C1orf167: variants seen among roughly 807,000 people sequenced by gnomAD.
C1orf167 encodes the protein uncharacterized protein C1orf167.
C1orf167 carries 153 observed loss-of-function variants against 176.5 expected under a neutral mutation model. The observed-to-expected ratio is 0.87, with a 90% CI of 0.76 to 0.99. The LOEUF is 0.99. C1orf167 is among the 50% of genes least tolerant of loss of function. The pLI is 0.00. For missense variants in C1orf167, 1,490 were observed against 1,817.7 expected, an observed-to-expected ratio of 0.82 and a Z score of 3.28; for synonymous variants, 594 against 752.7, an observed-to-expected ratio of 0.79 and a Z score of 3.45.
At chr1:11,772,708 T>G (rs1362017315) in intron 8 of C1orf167, among the ~76,000 whole-genome samples, 1 of 152,154 alleles carries the variant, frequency 6.6e-6, no homozygotes, top group Non-Finnish European at 1.5e-5. Context: ...AAGCAAAGCT[T>G]AGTCCCGGCC....
chr1:11,781,537 C>G (rs1215977148), intron 13 of C1orf167, among the ~76,000 whole-genome samples: 1 of 152,182 alleles, frequency 6.6e-6, no homozygotes, highest in Non-Finnish European at 1.5e-5. Flanking sequence ...GAGACAGCTG[C>G]TTATGCAGCC....
In C1orf167 at chr1:11,764,334, C is replaced by A; in HGVS notation, c.-67C>A. On this transcript the variant is annotated 5_prime_UTR_variant, in exon 2 of 21. Transcript: ENST00000688073. Reference sequence around the variant, plus strand: ...GCAACCTGTCCTCTCCCCGCAGGGCCCATCTGATTAAACAGACCAGGCCAC... The same window carrying A: ...GCAACCTGTCCTCTCCCCGCAGGGCACATCTGATTAAACAGACCAGGCCAC... 1 of 1,211,294 alleles carries A rather than the reference C, an allele frequency of 8.3e-7. No homozygotes were observed. Among genetic ancestry groups the A allele is most frequent in the African/African-American group, 1.6e-5 (1 of 64,358 alleles). 75.0% of individuals were successfully genotyped at this position (1,211,294 alleles called of 1,614,324 possible). A position where few individuals can be genotyped will look rare whatever the true frequency, so the allele number is the denominator to read the frequency against.
chr1:11,779,131 G>A (rs1437321890), intron 12 of C1orf167, 51 bp downstream of exon 12: 22 of 1,206,018 alleles, frequency 1.8e-5, no homozygotes, highest in Non-Finnish European at 2.1e-5. Flanking sequence ...ACTGTTTCCC[G>A]GCCCCTTCTC....
chr1:11,769,087 G>C lies in C1orf167; in HGVS notation c.1657G>C (p.Val553Leu). The C allele has an allele frequency of 8.1e-6, 8 of 985,928 alleles. No individual in the cohort carries two copies. Among genetic ancestry groups the C allele is most frequent in the Non-Finnish European group, 9.6e-6 (8 of 829,968 alleles). 61.1% of individuals were successfully genotyped at this position (985,928 alleles called of 1,614,324 possible). A position where few individuals can be genotyped will look rare whatever the true frequency, so the allele number is the denominator to read the frequency against. Residue 553 changes from valine (V) to leucine (L), a missense_variant, in exon 6 of 21, where the codon GTG becomes CTG. By Grantham distance (32) the Val-to-Leu change is conservative. Transcript: ENST00000688073. ...AGGCCTCTCCTTGGGAAGAAGCACA[G>C]TGGTGGACCCCGCCCAGAGAAGCAG... ...GKGLSLGRST[V>L]VDPAQRSRLE...
intron 8 of C1orf167, 41 bp downstream of exon 8, chr1:11,772,300 C>T (rs1643120329): frequency 3.1e-6 from 4 of 1,277,036 alleles, no homozygotes; most frequent in Admixed American, 2.4e-5. Flanking sequence ...AGGTCTCACT[C>T]TGTCACCTAG....
At position 11,764,431 on chromosome 1, in the gene C1orf167, G is replaced by A. The variant is rs979675066; in HGVS notation, c.31G>A (p.Glu11Lys). ...GCTAAGGTCTGATGCCAGCCACAAGGAGAATGTGTCCCCAAAGCCTGCAGC... is the reference window on the plus strand; with the variant it reads ...GCTAAGGTCTGATGCCAGCCACAAGAAGAATGTGTCCCCAAAGCCTGCAGC... MELRSDASHK[E>K]NVSPKPAALP... The change falls in exon 2 of 21, where the codon GAG becomes AAG. Residue 11 changes from glutamate to lysine, a missense_variant. Transcript: ENST00000688073. The A allele has an allele frequency of 4.5e-5, 58 of 1,289,298 alleles. No individual in the cohort carries two copies. Among genetic ancestry groups the A allele is most frequent in the Non-Finnish European group, 5.8e-5 (57 of 988,874 alleles). The allele number at this position is 1,289,298 out of a possible 1,614,324, so 79.9% of individuals were successfully genotyped here. A position where few individuals can be genotyped will look rare whatever the true frequency, so the allele number is the denominator to read the frequency against.
chr1:11,773,262 C>T (rs1643165987), intron 8 of C1orf167, among the ~76,000 whole-genome samples: 1 of 152,154 alleles, frequency 6.6e-6, no homozygotes, highest in Admixed American at 6.5e-5. Context: ...AATTACCCAG[C>T]TTCAACAAAA....
intron 20 of C1orf167, 194 bp downstream of exon 20, chr1:11,788,940 GC>G: frequency 2.4e-6 from 1 of 422,940 alleles, no homozygotes; most frequent in Non-Finnish European, 4.2e-6. Flanking sequence ...TTGATTTGTG[GC>G]CCCAGCTCAG....
At position 11,785,217 on chromosome 1, in the gene C1orf167, G is replaced by A. The variant is rs529103225; in HGVS notation, c.3495G>A (p.Arg1165=). 2.8e-3 allele frequency: 3,665 copies of A among 1,291,676 alleles called. 7 individuals carry two copies. Among genetic ancestry groups the A allele is most frequent in the Non-Finnish European group, 3.5e-3 (3,486 of 988,806 alleles). The allele number at this position is 1,291,676 out of a possible 1,614,324, so 80.0% of individuals were successfully genotyped here. A position where few individuals can be genotyped will look rare whatever the true frequency, so the allele number is the denominator to read the frequency against. Reference sequence around the variant, plus strand: ...AGCGAGCCATCCTCACCCAGCTCCGGCCGGCTGAGCTCAGGCGCTTCCTGC... The same window carrying A: ...AGCGAGCCATCCTCACCCAGCTCCGACCGGCTGAGCTCAGGCGCTTCCTGC... ...GVQRAILTQL[R]PAELRRFLRT... is the part of the protein sequence containing the mutation. Residue 1165 remains arginine (R), a synonymous_variant, in exon 16 of 21, where the codon CGG becomes CGA. Coordinates refer to ENST00000688073, the MANE Select transcript of C1orf167 (RefSeq NM_001010881.2).
intron 10 of C1orf167, 131 bp downstream of exon 10, chr1:11,776,769 C>T (rs1029977446): frequency 1.1e-6 from 1 of 899,986 alleles, no homozygotes; most frequent in Non-Finnish European, 1.5e-6. Context: ...CCACTCCTCC[C>T]CGTGGCCCTG....
chr1:11,766,473 T>G lies in C1orf167; in HGVS notation c.687T>G (p.Thr229=). ...TGGCTGTCCCCAGTCAGAACCAGAC[T>G]CAGGCCCCATCCCGTGCTGCCGTCC... is the stretch of plus-strand genomic sequence containing the variant. ...EDLAVPSQNQ[T]QAPSRAAVHQ... The change falls in exon 3 of 21, where the codon ACT becomes ACG. Residue 229 remains threonine (T), a synonymous_variant. Transcript: ENST00000688073. This position sits in a 1 kb window ranked among gnomAD's most constrained non-coding sequence, Gnocchi z 4.5. 1 of 1,286,742 alleles carries G rather than the reference T, an allele frequency of 7.8e-7. No homozygotes were observed. The highest frequency in any genetic ancestry group is 1.0e-6 in the Non-Finnish European group (1 of 987,246). The allele number at this position is 1,286,742 out of a possible 1,614,324, so 79.7% of individuals were successfully genotyped here.
At chr1:11,772,930 G>A (rs55990055) in intron 8 of C1orf167, among the ~76,000 whole-genome samples, 15,126 of 52,848 alleles carry the variant, frequency 0.29, 832 homozygotes, top group East Asian at 0.47. Flanking sequence ...ACGGAGTCTC[G>A]CTCTGTCACC....
chr1:11,779,723 G>A (rs1643501613), intron 12 of C1orf167, 79 bp from the exon 13 acceptor site: 2 of 1,086,764 alleles, frequency 1.8e-6, no homozygotes, highest in Non-Finnish European at 1.2e-6. Flanking sequence ...GGGAGAGGAA[G>A]AGAAAGGAGG....
In C1orf167 at chr1:11,766,544, G is replaced by A. The variant is rs574933296; in HGVS notation, c.758G>A (p.Arg253Gln). The A allele has an allele frequency of 1.7e-3, 2,158 of 1,245,884 alleles. 2 individuals are homozygous for A. The highest frequency in any genetic ancestry group is 2.8e-3 in the South Asian group (209 of 73,674). 77.2% of individuals were successfully genotyped at this position (1,245,884 alleles called of 1,614,324 possible). A position where few individuals can be genotyped will look rare whatever the true frequency, so the allele number is the denominator to read the frequency against. ...SVHCLAQEAA[R>Q]LRCQAPQEPP... ...CATTGCCTGGCGCAGGAGGCAGCCC[G>A]ACTCAGGTGCCAGGCTCCCCAGGAA... The change falls in exon 3 of 21, where the codon CGA becomes CAA. Residue 253 changes from arginine (R) to glutamine (Q), a missense_variant. Coordinates refer to ENST00000688073, the MANE Select transcript of C1orf167 (RefSeq NM_001010881.2). The surrounding 1 kb of genome is among the most constrained non-coding windows in gnomAD (Gnocchi z 4.5).
At chr1:11,775,145 C>T (rs559500682) in intron 8 of C1orf167, among the ~76,000 whole-genome samples, 87 of 152,082 alleles carry the variant, frequency 5.7e-4, no homozygotes, top group Middle Eastern at 3.4e-3. Flanking sequence ...AAAAATTAGC[C>T]GGGCATGGTG....
chr1:11,779,823 C>G lies in C1orf167; in HGVS notation c.2673C>G (p.Arg891=), dbSNP rs1237511217. Residue 891 remains arginine (R), a synonymous_variant, in exon 13 of 21, where the codon CGC becomes CGG. Transcript: ENST00000688073. ...RQRRIFLSWS[R]WATAQWAWRE... is the part of the protein sequence containing the mutation. ...CCAGCATCTTCCTCAGCTGGAGCCG[C>G]TGGGCAACAGCCCAATGGGCCTGGA... 3.1e-6 allele frequency: 4 copies of G among 1,302,348 alleles called. No individual in the cohort carries two copies. The highest frequency in any genetic ancestry group is 2.7e-4 in the Middle Eastern group (1 of 3,758). 80.7% of individuals were successfully genotyped at this position (1,302,348 alleles called of 1,614,324 possible). A position where few individuals can be genotyped will look rare whatever the true frequency, so the allele number is the denominator to read the frequency against.
At chr1:11,782,692 A>C (rs1643651753) in intron 14 of C1orf167, among the ~76,000 whole-genome samples, 1 of 152,088 alleles carries the variant, frequency 6.6e-6, no homozygotes, top group South Asian at 2.1e-4. Flanking sequence ...AGGCCGAGGA[A>C]GGTGGATCAC....
In C1orf167 at chr1:11,766,710, C is replaced by G; in HGVS notation, c.924C>G (p.Phe308Leu). ...RLRGHRETAA[F>L]LETPASLSDS... is the part of the protein sequence containing the mutation. ...GAGGCCACAGGGAAACTGCGGCTTT[C>G]TTGGAGACCCCGGCTAGTCTCTCAG... The change falls in exon 3 of 21, where the codon TTC (phenylalanine) becomes TTG (leucine). Residue 308 changes from phenylalanine to leucine, a missense_variant. Phe to Leu is a conservative substitution (Grantham distance 22). Transcript: ENST00000688073. This position sits in a 1 kb window ranked among gnomAD's most constrained non-coding sequence, Gnocchi z 4.5. The G allele has an allele frequency of 1.6e-6, 2 of 1,289,752 alleles. No individual in the cohort carries two copies. Among genetic ancestry groups the G allele is most frequent in the Non-Finnish European group, 2.0e-6 (2 of 988,860 alleles). The allele number at this position is 1,289,752 out of a possible 1,614,324, so 79.9% of individuals were successfully genotyped here. A position where few individuals can be genotyped will look rare whatever the true frequency, so the allele number is the denominator to read the frequency against.
chr1:11,765,783 C>G, intron 2 of C1orf167, 74 bp from the exon 3 acceptor site: 1 of 1,159,074 alleles, frequency 8.6e-7, no homozygotes, highest in Non-Finnish European at 1.1e-6. Context: ...TCCCTGGCTC[C>G]GAGGCCTGGA....
Sources: allele counts gnomAD v4.1 joint callset (sites outside exome capture counted in the v4.1 genomes callset), GRCh38; gene constraint gnomAD v4.1.1; non-coding constraint Gnocchi (gnomAD v3.1); transcripts MANE v1.5; gene names NCBI Gene and HGNC (gene_info 2026-07-23, HGNC 2026-07-21).